BEX5: variants seen among roughly 807,000 people sequenced by gnomAD.
BEX5 encodes the protein brain expressed X-linked 5.
A neutral mutation model predicts 1.4 loss-of-function variants in BEX5; 2 were observed. The observed-to-expected ratio is 1.42, with a 90% CI of 0.58 to 4.47. The LOEUF (loss-of-function observed/expected upper bound fraction) is 4.47. BEX5 is among the 30% of genes most tolerant of loss of function. The probability of loss-of-function intolerance (pLI) is 0.06; values close to 1 mark genes in which losing one functional copy is unlikely to be tolerated. For synonymous variants in BEX5, 32 were observed against 30.0 expected, an observed-to-expected ratio of 1.07 and a Z score of -0.21; for missense variants, 97 against 87.3, an observed-to-expected ratio of 1.11 and a Z score of -0.44.
intron 1 of BEX5, among the ~76,000 whole-genome samples, chrX:102,155,368 G>A (rs782409277): frequency 9.0e-6 from 1 of 111,518 alleles, no homozygotes; most frequent in South Asian, 3.8e-4. Flanking sequence ...CTCGCTCCTC[G>A]CCTCTGTCCC....
chrX:102,155,600 C>T (rs1933243642), intron 1 of BEX5: 1 of 112,139 alleles, frequency 8.9e-6, no homozygotes, highest in Non-Finnish European at 1.9e-5. Flanking sequence ...TACCTCCCTC[C>T]CGCGGACCTG....
In BEX5 at chrX:102,154,282, GTTT is replaced by G. The variant is rs56933072; in HGVS notation, c.-20_-18del. The G allele has an allele frequency of 2.5e-4, 237 of 966,030 alleles. No homozygotes were observed. The highest frequency in any genetic ancestry group is 3.5e-4 in the Middle Eastern group (1 of 2,877). 79.6% of individuals were successfully genotyped at this position (966,030 alleles called of 1,213,427 possible). Reference sequence around the variant, plus strand: ...ATTTTCCATGTTGAGTTTTTTTCCTGTTTTTTTTTTTTTTTTCTTCCTAGAAGA... The same window carrying G: ...ATTTTCCATGTTGAGTTTTTTTCCTGTTTTTTTTTTTTTCTTCCTAGAAGA... On this transcript the variant is annotated 5_prime_UTR_variant, in exon 3 of 3. Coordinates refer to ENST00000333643, the MANE Select transcript of BEX5 (RefSeq NM_001012978.3).
Position 102,153,873 on chromosome X carries a change from C to T in BEX5, c.*57G>A. ...TGCCAAAAGGTTCACATTAAAGGTA[C>T]ACCAGGAAAAATGCGAATTTAGAAA... is the stretch of plus-strand genomic sequence containing the variant. On this transcript the variant is annotated 3_prime_UTR_variant, in exon 3 of 3. Transcript: ENST00000333643. 1 of 1,038,772 alleles carries T rather than the reference C, an allele frequency of 9.6e-7. No homozygotes were observed. The highest frequency in any genetic ancestry group is 2.3e-5 in the South Asian group (1 of 43,073). The allele number at this position is 1,038,772 out of a possible 1,213,427, so 85.6% of individuals were successfully genotyped here.
chrX:102,153,884 A>G lies in BEX5; in HGVS notation c.*46T>C. 1 of 1,082,841 alleles carries G rather than the reference A, an allele frequency of 9.2e-7. No individual in the cohort carries two copies. Among genetic ancestry groups the G allele is most frequent in the Non-Finnish European group, 1.2e-6 (1 of 806,867 alleles). 89.2% of individuals were successfully genotyped at this position (1,082,841 alleles called of 1,213,427 possible). On this transcript the variant is annotated 3_prime_UTR_variant, in exon 3 of 3. Transcript: ENST00000333643. ...TCACATTAAAGGTACACCAGGAAAA[A>G]TGCGAATTTAGAAAGCAGGGATTTT...
intron 1 of BEX5, among the ~76,000 whole-genome samples, chrX:102,155,064 C>T (rs1287273357): frequency 8.9e-6 from 1 of 111,771 alleles, no homozygotes; most frequent in East Asian, 2.8e-4. Flanking sequence ...ATCTAGTTAC[C>T]CTTTCTGCAA....
Position 102,153,828 on chromosome X carries a change from A to C in BEX5, c.*102T>G. ...AGACTAGGTCAAAATGCAATCTCCA[A>C]TCAGAAAATTGCAGAAGAATGCCAA... On this transcript the variant is annotated 3_prime_UTR_variant, in exon 3 of 3. Transcript: ENST00000333643. 4 of 730,941 alleles carry C rather than the reference A, an allele frequency of 5.5e-6. No individual in the cohort carries two copies. The South Asian group carries it at 1.3e-4, about 23-fold the overall frequency. The allele number at this position is 730,941 out of a possible 1,213,427, so 60.2% of individuals were successfully genotyped here. A position where few individuals can be genotyped will look rare whatever the true frequency, so the allele number is the denominator to read the frequency against.
At chrX:102,155,226 A>G (rs4898327) in intron 1 of BEX5, among the ~76,000 whole-genome samples, 33,069 of 110,588 alleles carry the variant, frequency 0.3, 4,165 homozygotes, top group East Asian at 0.82. Flanking sequence ...AAGATGGACG[A>G]TGAGTGAAGA....
rs1242260214 is a variant in BEX5 at position 102,153,840 on chromosome X, C to A, written c.*90G>T. 14 of 820,536 alleles carry A rather than the reference C, an allele frequency of 1.7e-5. No homozygotes were observed. Among genetic ancestry groups the A allele is most frequent in the Admixed American group, 1.0e-4 (3 of 30,054 alleles). 67.6% of individuals were successfully genotyped at this position (820,536 alleles called of 1,213,427 possible). On this transcript the variant is annotated 3_prime_UTR_variant, in exon 3 of 3. Transcript: ENST00000333643. ...AATGCAATCTCCAATCAGAAAATTG[C>A]AGAAGAATGCCAAAAGGTTCACATT... is the stretch of plus-strand genomic sequence containing the variant.
At chrX:102,155,678 CG>C (rs1933244459) in intron 1 of BEX5, 180 bp downstream of exon 1, 1 of 112,113 alleles carries the variant, frequency 8.9e-6, no homozygotes, top group Admixed American at 9.4e-5. Context: ...GCCCGATGGC[CG>C]GCCTCCTAGG....
At chrX:102,155,441 G>C (rs1236609424) in intron 1 of BEX5, among the ~76,000 whole-genome samples, 5 of 111,451 alleles carry the variant, frequency 4.5e-5, no homozygotes, top group African/African-American at 1.6e-4. Context: ...CCTAATCTCT[G>C]TCCCCCTCCT....
intron 2 of BEX5, 121 bp from the exon 3 acceptor site, chrX:102,154,423 G>C (rs1933226791): frequency 2.3e-6 from 1 of 439,654 alleles, no homozygotes; most frequent in South Asian, 5.1e-5. Flanking sequence ...CAGACCCAGC[G>C]CTGCCCCAAA....
intron 1 of BEX5, 139 bp from the exon 2 acceptor site, chrX:102,154,949 G>A (rs1933234292): frequency 9.0e-6 from 1 of 111,378 alleles, no homozygotes; most frequent in African/African-American, 3.3e-5. Context: ...CCCACCCTGT[G>A]ACAGGCTATC....
In BEX5 at chrX:102,154,111, T is replaced by C. The variant is rs1169343406; in HGVS notation, c.155A>G (p.Asn52Ser). 1 of 1,210,753 alleles carries C rather than the reference T, an allele frequency of 8.3e-7. No individual in the cohort carries two copies. Among genetic ancestry groups the C allele is most frequent in the Non-Finnish European group, 1.1e-6 (1 of 895,359 alleles). ...CATATCAATGTTATCGACAAGCCTA[T>C]TGGGCACATCCTCTCCAAAACCCGG... is the stretch of plus-strand genomic sequence containing the variant. ...PAPGFGEDVPNRLVDNIDMID... is the reference protein window; with the variant it reads ...PAPGFGEDVPSRLVDNIDMID... Residue 52 changes from asparagine to serine, a missense_variant, in exon 3 of 3, where the codon AAT (asparagine) becomes AGT (serine). Asn to Ser is a conservative substitution (Grantham distance 46). Transcript: ENST00000333643.
In BEX5 at chrX:102,153,761, C is replaced by A; in HGVS notation, c.*169G>T. ...TTACAGTATGCAATAAACATCTTTC[C>A]ATGAAAGTTGATGAAAGTCCTCTTC... On this transcript the variant is annotated 3_prime_UTR_variant, in exon 3 of 3. Transcript: ENST00000333643. The A allele has an allele frequency of 2.3e-6, 1 of 436,657 alleles. No individual in the cohort carries two copies. Among genetic ancestry groups the A allele is most frequent in the Non-Finnish European group, 3.9e-6 (1 of 258,164 alleles). The allele number at this position is 436,657 out of a possible 1,213,427, so 36.0% of individuals were successfully genotyped here.
At chrX:102,155,505 G>A (rs1401918592) in intron 1 of BEX5, 3 of 111,501 alleles carry the variant, frequency 2.7e-5, no homozygotes, top group African/African-American at 6.5e-5. Context: ...AGCTCTAAAT[G>A]GGTAGAGGGT....
intron 1 of BEX5, chrX:102,155,599 C>T (rs1235285464): frequency 8.9e-6 from 1 of 112,150 alleles, no homozygotes; most frequent in Non-Finnish European, 1.9e-5. Flanking sequence ...GTACCTCCCT[C>T]CCGCGGACCT....
At chrX:102,155,449 C>T (rs1260045739) in intron 1 of BEX5, 1 of 112,155 alleles carries the variant, frequency 8.9e-6, no homozygotes, top group Non-Finnish European at 1.9e-5. Flanking sequence ...CTGTCCCCCT[C>T]CTCTGCAGCA....
intron 2 of BEX5, 42 bp from the exon 3 acceptor site, chrX:102,154,344 G>A: frequency 1.1e-6 from 1 of 921,922 alleles, no homozygotes; most frequent in South Asian, 2.6e-5. Flanking sequence ...ATGCTTGATA[G>A]GATTCAGAGC....
In BEX5 at chrX:102,154,283, T is replaced by G. The variant is rs782038242; in HGVS notation, c.-18A>C. 1.9e-5 allele frequency: 6 copies of G among 314,937 alleles called. No individual in the cohort carries two copies. The East Asian group carries it at 3.8e-4, about 20-fold the overall frequency. 26.0% of individuals were successfully genotyped at this position (314,937 alleles called of 1,213,427 possible). A position where few individuals can be genotyped will look rare whatever the true frequency, so the allele number is the denominator to read the frequency against. Reference sequence around the variant, plus strand: ...TTTTCCATGTTGAGTTTTTTTCCTGTTTTTTTTTTTTTTTTCTTCCTAGAA... The same window carrying G: ...TTTTCCATGTTGAGTTTTTTTCCTGGTTTTTTTTTTTTTTTCTTCCTAGAA... On this transcript the variant is annotated 5_prime_UTR_variant, in exon 3 of 3. Coordinates refer to ENST00000333643, the MANE Select transcript of BEX5 (RefSeq NM_001012978.3).
Sources: gnomAD v4.1 joint callset for allele counts (sites outside exome capture counted in the v4.1 genomes callset) on GRCh38, gnomAD v4.1.1 for gene constraint, MANE v1.5 for transcripts, NCBI Gene and HGNC (gene_info 2026-07-23, HGNC 2026-07-21) for gene names.